The following SPON1 variants were observed in gnomAD, a reference collection of about 807,000 sequenced individuals.
The protein encoded by SPON1 is spondin 1.
Under a neutral mutation model 111.7 loss-of-function variants are expected in SPON1, and 52 were observed. The ratio of observed to expected loss-of-function variants is 0.47; its 90% CI spans 0.37 to 0.59. SPON1 has a LOEUF of 0.59. Ranked by LOEUF, SPON1 falls within the 20% of genes least tolerant of loss-of-function variation. SPON1 has a pLI of 0.00. For synonymous variants in SPON1, 410 were observed against 395.8 expected, an observed-to-expected ratio of 1.04 and a Z score of -0.43; for missense variants, 957 against 1,068.5, an observed-to-expected ratio of 0.90 and a Z score of 1.46.
intron 3 of SPON1, among the ~76,000 whole-genome samples, chr11:14,047,600 G>A (rs1176543452): frequency 6.6e-6 from 1 of 152,154 alleles, no homozygotes; most frequent in Non-Finnish European, 1.5e-5. Context: ...GTTCAGAGAG[G>A]AGATGAATGA....
At chr11:14,001,115 C>T (rs1609342) in intron 2 of SPON1, among the ~76,000 whole-genome samples, 72,258 of 151,984 alleles carry the variant, frequency 0.48, 17,829 homozygotes, top group East Asian at 0.7. Flanking sequence ...CTTCCTCCTC[C>T]ACCCCCCAAG....
At chr11:14,175,705 T>A (rs1275760818) in intron 6 of SPON1, among the ~76,000 whole-genome samples, 1 of 152,210 alleles carries the variant, frequency 6.6e-6, no homozygotes, top group Admixed American at 6.5e-5. Flanking sequence ...CCCTTTTTGC[T>A]GGCATACCAG....
At chr11:14,188,392 GA>G (rs1848310059) in intron 6 of SPON1, among the ~76,000 whole-genome samples, 1 of 152,142 alleles carries the variant, frequency 6.6e-6, no homozygotes, top group African/African-American at 2.4e-5. Context: ...GAGGTGGCAG[GA>G]AGACACAATT....
intron 7 of SPON1, among the ~76,000 whole-genome samples, chr11:14,245,237 G>A (rs1370671202): frequency 6.6e-6 from 1 of 152,138 alleles, no homozygotes; most frequent in Non-Finnish European, 1.5e-5. Flanking sequence ...GACTGCCTGG[G>A]AGCAGGGAAG....
intron 6 of SPON1, among the ~76,000 whole-genome samples, chr11:14,180,245 T>G (rs1848222772): frequency 1.3e-5 from 2 of 152,174 alleles, no homozygotes; most frequent in African/African-American, 4.8e-5. Context: ...CTCTCAACAG[T>G]TTCTCAAAGA....
intron 1 of SPON1, among the ~76,000 whole-genome samples, chr11:13,965,049 A>G (rs78989677): frequency 0.01 from 1,572 of 151,990 alleles, 22 homozygotes; most frequent in African/African-American, 0.036. Flanking sequence ...TACAAAGGTG[A>G]GTGTGCCTGA....
rs1848767285 is a variant in SPON1, at chr11:14,228,953, T to C, written c.826-14379T>C. 6.6e-6 allele frequency among the ~76,000 whole-genome samples: 1 copy of C among 152,204 alleles called. No homozygotes were observed. Among genetic ancestry groups the C allele is most frequent in the South Asian group, 2.1e-4 (1 of 4,794 alleles). ...TTCCCACAGAGAACTAAGAAGACTC[T>C]AACAACATATTTACAGGCCCCTAGA... is the stretch of plus-strand genomic sequence containing the variant. On this transcript the variant is annotated intron_variant, in intron 6 of 15. Coordinates refer to ENST00000576479, the MANE Select transcript of SPON1 (RefSeq NM_006108.4). The surrounding 1 kb of genome is among the most constrained non-coding windows in gnomAD (Gnocchi z 4.2).
In SPON1 at chr11:14,214,207, T is replaced by G. The variant is rs534903918; in HGVS notation, c.826-29125T>G. 7.9e-5 allele frequency among the ~76,000 whole-genome samples: 12 copies of G among 152,356 alleles called. No individual in the cohort carries two copies. The East Asian group carries it at 2.3e-3, about 29-fold the overall frequency. On this transcript the variant is annotated intron_variant, in intron 6 of 15. Coordinates refer to ENST00000576479, the MANE Select transcript of SPON1 (RefSeq NM_006108.4). ...GTCCTGGGGAAAGAACTCTCGGCTC[T>G]GGTCCTCTGCGCGTAGGGCCCCCAT...
At chr11:14,164,186 T>C (rs1554931675) in intron 6 of SPON1, among the ~76,000 whole-genome samples, 2 of 152,174 alleles carry the variant, frequency 1.3e-5, no homozygotes, top group Non-Finnish European at 2.9e-5. Context: ...ATAGCCTATA[T>C]CCAAGATGGT....
In SPON1 at chr11:14,019,123, G is replaced by T. The variant is rs767879197; in HGVS notation, c.346-22398G>T. ...GGCTGATGAGCTCCATTTGGGACCT[G>T]TACAATTCAAGGTTCCTTTAGTCAT... On this transcript the variant is annotated intron_variant, in intron 2 of 15. Transcript: ENST00000576479. 1.7e-3 allele frequency among the ~76,000 whole-genome samples: 261 copies of T among 152,114 alleles called. 3 individuals carry two copies. The highest frequency in any genetic ancestry group is 2.0e-3 in the Non-Finnish European group (137 of 68,030).
chr11:14,028,793 G>C (rs1170639624), intron 2 of SPON1, among the ~76,000 whole-genome samples: 1 of 152,050 alleles, frequency 6.6e-6, no homozygotes, highest in Non-Finnish European at 1.5e-5. Context: ...CAGAGAGTTG[G>C]GTGACTTTAC....
At chr11:14,081,234 G>C (rs537840417) in intron 5 of SPON1, among the ~76,000 whole-genome samples, 6 of 152,176 alleles carry the variant, frequency 3.9e-5, no homozygotes, top group African/African-American at 1.4e-4. Flanking sequence ...CGCCTAACAT[G>C]TGCCAGGCAC....
chr11:14,150,719 T>G (rs1207810248), intron 6 of SPON1, among the ~76,000 whole-genome samples: 5 of 152,172 alleles, frequency 3.3e-5, no homozygotes, highest in Non-Finnish European at 7.3e-5. Context: ...GATTACCTGC[T>G]GAAATGGTAA....
chr11:14,196,755 A>T (rs1320544595), intron 6 of SPON1, among the ~76,000 whole-genome samples: 3 of 152,208 alleles, frequency 2.0e-5, no homozygotes, highest in Admixed American at 6.5e-5. Context: ...GAATTTTTTA[A>T]ATCTGAGCTT....
rs981271553 is a variant in SPON1, at chr11:14,058,036, G to A, written c.479+16382G>A. Among the ~76,000 whole-genome samples, 3 of 151,658 alleles carry A rather than the reference G, an allele frequency of 2.0e-5. 1 individual carries two copies. The highest frequency in any genetic ancestry group is 6.6e-5 in the Admixed American group (1 of 15,188). ...TGTCTCAAAAACAAAAAAAGGACTC[G>A]GCAAAATCAGGGGGTGTTGGGGTGG... On this transcript the variant is annotated intron_variant, in intron 3 of 15. Transcript: ENST00000576479.
intron 2 of SPON1, among the ~76,000 whole-genome samples, chr11:14,013,876 G>A (rs1169660381): frequency 6.6e-6 from 1 of 152,166 alleles, no homozygotes; most frequent in Non-Finnish European, 1.5e-5. Flanking sequence ...AGCCCATACA[G>A]CAATGATTTC....
chr11:14,242,269 G>A (rs10766178), intron 6 of SPON1, among the ~76,000 whole-genome samples: 109,443 of 152,126 alleles, frequency 0.72, 39,840 homozygotes, highest in Non-Finnish European at 0.77. Flanking sequence ...CATTCTAGGC[G>A]CCTGCTGCCA....
intron 3 of SPON1, among the ~76,000 whole-genome samples, chr11:14,069,938 G>A (rs1479918521): frequency 2.0e-5 from 3 of 152,158 alleles, no homozygotes; most frequent in Admixed American, 6.5e-5. Context: ...GGGCTTCCTG[G>A]ATACTTGTTA....
chr11:14,091,739 T>G (rs11023087), intron 5 of SPON1, among the ~76,000 whole-genome samples: 38,459 of 151,580 alleles, frequency 0.25, 5,768 homozygotes, highest in South Asian at 0.41. Flanking sequence ...GCTGAGGGAG[T>G]GGGCTCTAGC....
Sources: gnomAD v4.1 joint callset for allele counts (sites outside exome capture counted in the v4.1 genomes callset) on GRCh38, gnomAD v4.1.1 for gene constraint, Gnocchi (gnomAD v3.1) non-coding constraint, MANE v1.5 for transcripts, NCBI Gene and HGNC (gene_info 2026-07-23, HGNC 2026-07-21) for gene names.